MICU1: variants seen among roughly 807,000 people sequenced by gnomAD.
MICU1 encodes calcium uptake protein 1, mitochondrial.
A neutral mutation model predicts 56.8 loss-of-function variants in MICU1; 45 were observed. The ratio of observed to expected loss-of-function variants is 0.79; its 90% CI spans 0.62 to 1.02. MICU1 has a LOEUF of 1.02. Ranked by LOEUF, MICU1 falls within the 50% of genes least tolerant of loss-of-function variation. The pLI, the probability that MICU1 is intolerant of heterozygous loss-of-function variation, is 0.00. For missense variants in MICU1, 504 were observed against 587.1 expected (o/e 0.86, Z 1.46); for synonymous variants, 186 against 195.1 (o/e 0.95, Z 0.39).
At chr10:72,448,143 G>GTC (rs1865168692) in intron 8 of MICU1, among the ~76,000 whole-genome samples, 1 of 130,012 alleles carries the variant, frequency 7.7e-6, no homozygotes, top group Non-Finnish European at 1.6e-5. Flanking sequence ...GTGTGTGTGT[G>GTC]TGTGTGTCTG....
intron 10 of MICU1, among the ~76,000 whole-genome samples, chr10:72,386,965 A>G (rs892831913): frequency 3.3e-5 from 5 of 152,180 alleles, no homozygotes; most frequent in Non-Finnish European, 7.3e-5. Context: ...ACATTTCCTA[A>G]CAAGGAAATA....
intron 6 of MICU1, among the ~76,000 whole-genome samples, chr10:72,500,275 TATATATATATATATATATATATATA>T (rs1866991419): frequency 2.2e-4 from 2 of 9,246 alleles, no homozygotes; most frequent in Non-Finnish European, 5.9e-4. Context: ...TATATATATA[TATATATATATATATATATATATATA>T]TATTTTTTTT....
At chr10:72,598,386 G>A (rs1831811999) in intron 1 of MICU1, among the ~76,000 whole-genome samples, 1 of 151,806 alleles carries the variant, frequency 6.6e-6, no homozygotes, top group Non-Finnish European at 1.5e-5. Flanking sequence ...CTCCCAAGTA[G>A]CTGAGACTAC....
At chr10:72,439,203 C>T (rs182822140) in intron 8 of MICU1, among the ~76,000 whole-genome samples, 32 of 152,218 alleles carry the variant, frequency 2.1e-4, no homozygotes, top group Admixed American at 3.3e-4. Context: ...TTATCCACCA[C>T]GATCAAGTTG....
At chr10:72,436,885 T>C in intron 8 of MICU1, among the ~76,000 whole-genome samples, 1 of 151,924 alleles carries the variant, frequency 6.6e-6, no homozygotes, top group East Asian at 1.9e-4. Context: ...CTCCAAGAAA[T>C]ATGGGACTAT....
intron 5 of MICU1, among the ~76,000 whole-genome samples, chr10:72,519,256 C>T (rs1867747567): frequency 6.6e-6 from 1 of 152,164 alleles, no homozygotes; most frequent in South Asian, 2.1e-4. Flanking sequence ...TTTTACTATT[C>T]ACTGATATGA....
intron 3 of MICU1, among the ~76,000 whole-genome samples, chr10:72,562,016 C>G (rs920861891): frequency 2.0e-5 from 3 of 152,124 alleles, no homozygotes; most frequent in African/African-American, 7.2e-5. Flanking sequence ...CTAAGAAATC[C>G]ATCCTTTTCA....
At chr10:72,532,854 A>G (rs1214121794) in intron 5 of MICU1, 15 of 1,124,164 alleles carry the variant, frequency 1.3e-5, no homozygotes, top group Non-Finnish European at 1.4e-5. Flanking sequence ...TTTCACTTGT[A>G]TAAAAGAGCT....
At chr10:72,595,050 T>C (rs1322637383) in intron 1 of MICU1, among the ~76,000 whole-genome samples, 1 of 151,816 alleles carries the variant, frequency 6.6e-6, no homozygotes, top group African/African-American at 2.4e-5. Context: ...TCCATATAAA[T>C]TTATGAACAC....
chr10:72,448,121 A>ATGTG (rs150733309), intron 8 of MICU1, among the ~76,000 whole-genome samples: 38,753 of 121,298 alleles, frequency 0.32, 6,241 homozygotes, highest in Middle Eastern at 0.44. Context: ...GTTTATATAT[A>ATGTG]TGTGTGTGTG....
chr10:72,487,994 C>T lies in MICU1; in HGVS notation c.653-10738G>A, dbSNP rs528705598. Among the ~76,000 whole-genome samples, 22 of 152,054 alleles carry T rather than the reference C, an allele frequency of 1.4e-4. No homozygotes were observed. In the East Asian group the frequency reaches 3.5e-3, roughly 24 times the overall value. ...GGTGGATCACATGAGGTCAGGAGTT[C>T]GAGACCAGCCTGCCCAACATGGAGA... On this transcript the variant is annotated intron_variant, in intron 6 of 11. Transcript: ENST00000361114.
Position 72,450,710 on chromosome 10 carries a change from C to A in MICU1, c.933+24390G>T, listed in dbSNP as rs576912115. Among the ~76,000 whole-genome samples the A allele has an allele frequency of 1.0e-4, 15 of 148,840 alleles. 1 individual carries two copies. In the South Asian group the frequency reaches 3.2e-3, roughly 32 times the overall value. ...TGTTTGAAATTATACTTCCTTAAAT[C>A]TTTATTTTTTTAATTCTTTTTTTTT... On this transcript the variant is annotated intron_variant, in intron 8 of 11. Coordinates refer to ENST00000361114, the MANE Select transcript of MICU1 (RefSeq NM_001195518.2).
intron 11 of MICU1, among the ~76,000 whole-genome samples, chr10:72,369,773 A>G (rs11000272): frequency 5.9e-5 from 9 of 151,842 alleles, no homozygotes; most frequent in Non-Finnish European, 1.0e-4. Flanking sequence ...CAGTGGCGCG[A>G]TCTCAGCTCA....
chr10:72,621,250 C>T (rs1842096949), intron 1 of MICU1, among the ~76,000 whole-genome samples: 1 of 152,050 alleles, frequency 6.6e-6, no homozygotes, highest in African/African-American at 2.4e-5. Flanking sequence ...ATAATCCCAG[C>T]ACTTTGGCTA....
intron 8 of MICU1, among the ~76,000 whole-genome samples, chr10:72,444,182 T>C (rs1005389654): frequency 1.5e-4 from 18 of 120,222 alleles, no homozygotes; most frequent in Non-Finnish European, 2.6e-4. Flanking sequence ...TGAGAACACA[T>C]GGACACAGGA....
At chr10:72,477,410 T>G in intron 6 of MICU1, 154 bp from the exon 7 acceptor site, 1 of 1,242,308 alleles carries the variant, frequency 8.0e-7, no homozygotes, top group Non-Finnish European at 1.1e-6. Context: ...TGAAACTGCA[T>G]TTATTGAGAT....
intron 8 of MICU1, among the ~76,000 whole-genome samples, chr10:72,466,534 G>A (rs903062169): frequency 1.9e-4 from 29 of 152,164 alleles, no homozygotes; most frequent in African/African-American, 6.0e-4. Flanking sequence ...GAGGCAAAGC[G>A]GAAGTACAAA....
At chr10:72,552,608 T>C (rs923943480) in intron 3 of MICU1, among the ~76,000 whole-genome samples, 1 of 152,170 alleles carries the variant, frequency 6.6e-6, no homozygotes, top group Non-Finnish European at 1.5e-5. Context: ...CAGGCTGGAG[T>C]GCAATGCTGT....
intron 4 of MICU1, among the ~76,000 whole-genome samples, chr10:72,544,833 T>A (rs927649957): frequency 2.0e-5 from 3 of 152,236 alleles, no homozygotes; most frequent in African/African-American, 7.2e-5. Flanking sequence ...TTCTTGACAT[T>A]TGGTACAGAA....
Sources: allele counts gnomAD v4.1 joint callset (sites outside exome capture counted in the v4.1 genomes callset), GRCh38; gene constraint gnomAD v4.1.1; transcripts MANE v1.5; gene names NCBI Gene and HGNC (gene_info 2026-07-23, HGNC 2026-07-21).